The following TERT variants were observed in gnomAD, a reference collection of about 807,000 sequenced individuals.
The protein encoded by TERT is telomerase catalytic subunit.
A neutral mutation model predicts 104.0 loss-of-function variants in TERT; 42 were observed. The ratio of observed to expected loss-of-function variants is 0.40; its 90% CI spans 0.32 to 0.52. TERT has a LOEUF of 0.52. TERT is among the 20% of genes least tolerant of loss of function. The pLI, the probability that TERT is intolerant of heterozygous loss-of-function variation, is 0.43. For synonymous variants in TERT, 781 were observed against 725.6 expected (o/e 1.08, Z -1.23); for missense variants, 1,101 against 1,610.3 (o/e 0.68, Z 5.41).
chr5:1,260,394 A>G, intron 12 of TERT, 80 bp downstream of exon 12: 1 of 1,594,574 alleles, frequency 6.3e-7, no homozygotes. Flanking sequence ...CCTTGCAGGC[A>G]CGCGCGCACA....
In TERT at chr5:1,294,960, C is replaced by A. The variant is rs2126692906; in HGVS notation, c.30G>T (p.Val10=). 7.3e-7 allele frequency: 1 copy of A among 1,367,802 alleles called. No individual in the cohort carries two copies. The highest frequency in any genetic ancestry group is 1.8e-5 in the South Asian group (1 of 55,302). The allele number at this position is 1,367,802 out of a possible 1,614,324, so 84.7% of individuals were successfully genotyped here. A position where few individuals can be genotyped will look rare whatever the true frequency, so the allele number is the denominator to read the frequency against. Residue 10 remains valine, a synonymous_variant, in exon 1 of 16, where the codon GTG becomes GTT. Transcript: ENST00000310581. MPRAPRCRA[V]RSLLRSHYRE... ...GGTAGTGGCTGCGCAGCAGGGAGCG[C>A]ACGGCTCGGCAGCGGGGAGCGCGCG... is the stretch of plus-strand genomic sequence containing the variant.
rs1319828193 is a variant in TERT, at chr5:1,264,611, G to A, written c.2655-19C>T. The A allele has an allele frequency of 6.2e-7, 1 of 1,613,394 alleles. No individual in the cohort carries two copies. The highest frequency in any genetic ancestry group is 1.3e-5 in the African/African-American group (1 of 75,072). On this transcript the variant is annotated intron_variant, in intron 10 of 15. Coordinates refer to ENST00000310581, the MANE Select transcript of TERT (RefSeq NM_198253.3). ...CAGGGTCCTAAGGCAGAGGGGCAAT[G>A]TCAGCCCCAGGATGCGGGGCCGTCA...
chr5:1,277,605 T>TGGG (rs35577391), intron 6 of TERT, among the ~76,000 whole-genome samples: 4 of 122,542 alleles, frequency 3.3e-5, no homozygotes, highest in Non-Finnish European at 6.8e-5. Context: ...AGCGGGGATG[T>TGGG]GGGGGGGGGT....
In TERT at chr5:1,268,507, G is replaced by C; in HGVS notation, c.2582+13C>G. The C allele has an allele frequency of 6.2e-7, 1 of 1,608,318 alleles. No homozygotes were observed. Among genetic ancestry groups the C allele is most frequent in the Non-Finnish European group, 8.5e-7 (1 of 1,175,958 alleles). ...CCCCCACCCAAGCCCCCCTGGGGAA[G>C]AGGAGGCCTCACCCGTCCCGCCGAA... On this transcript the variant is annotated intron_variant, in intron 9 of 15. Transcript: ENST00000310581. The surrounding 1 kb of genome is among the most constrained non-coding windows in gnomAD (Gnocchi z 5.5).
In TERT at chr5:1,278,636, C is replaced by T. The variant is rs1060502997; in HGVS notation, c.2286+5G>A. 1 of 1,613,898 alleles carries T rather than the reference C, an allele frequency of 6.2e-7. No homozygotes were observed. Among genetic ancestry groups the T allele is most frequent in the Non-Finnish European group, 8.5e-7 (1 of 1,180,050 alleles). ...CTGGACACGACTATCACACGTGAACCTTACGTGGCTCTTGAAGGCCTTGCG... is the reference window on the plus strand; with the variant it reads ...CTGGACACGACTATCACACGTGAACTTTACGTGGCTCTTGAAGGCCTTGCG... On this transcript the variant is annotated splice_donor_5th_base_variant and intron_variant, in intron 6 of 15. Transcript: ENST00000310581.
chr5:1,278,869 TGGCCTGGC>T, intron 5 of TERT, 73 bp from the exon 6 acceptor site: 1 of 1,597,514 alleles, frequency 6.3e-7, no homozygotes, highest in Non-Finnish European at 8.6e-7. Flanking sequence ...CCTCAGGGCC[TGGCCTGGC>T]GGTGTCCCCC....
intron 2 of TERT, among the ~76,000 whole-genome samples, 177 bp downstream of exon 2, chr5:1,293,136 A>T (rs1751096323): frequency 6.6e-6 from 1 of 152,212 alleles, no homozygotes; most frequent in South Asian, 2.1e-4. Context: ...TGCAAACTGG[A>T]CAGGAGGGAG....
At chr5:1,293,284 T>G in intron 2 of TERT, 29 bp downstream of exon 2, 2 of 1,610,802 alleles carry the variant, frequency 1.2e-6, no homozygotes, top group Non-Finnish European at 1.7e-6. Context: ...CTCTGGGGCC[T>G]GGGCCCTCGA....
In TERT at chr5:1,271,210, A is replaced by T. The variant is rs1481236467; in HGVS notation, c.2383-6T>A. On this transcript the variant is annotated splice_polypyrimidine_tract_variant and splice_region_variant and intron_variant, in intron 7 of 15. Transcript: ENST00000310581. ...GCCTCATTCAGGGAGGAGCTCTGCGAAAGCAGACGGGAGACACATGGGAGT... is the reference window on the plus strand; with the variant it reads ...GCCTCATTCAGGGAGGAGCTCTGCGTAAGCAGACGGGAGACACATGGGAGT... 5 of 1,609,914 alleles carry T rather than the reference A, an allele frequency of 3.1e-6. No individual in the cohort carries two copies. Among genetic ancestry groups the T allele is most frequent in the Non-Finnish European group, 3.4e-6 (4 of 1,177,476 alleles).
At position 1,274,418 on chromosome 5, in the gene TERT, C is replaced by CT. The variant is rs1387047857; in HGVS notation, c.2287-2139dup. Among the ~76,000 whole-genome samples, 1 of 152,236 alleles carries CT rather than the reference C, an allele frequency of 6.6e-6. No homozygotes were observed. The highest frequency in any genetic ancestry group is 1.5e-5 in the Non-Finnish European group (1 of 68,040). On this transcript the variant is annotated intron_variant, in intron 6 of 15. Coordinates refer to ENST00000310581, the MANE Select transcript of TERT (RefSeq NM_198253.3). This position sits in a 1 kb window ranked among gnomAD's most constrained non-coding sequence, Gnocchi z 5.3. The stretch of plus-strand genomic sequence containing the variant: ...CTGACGAGAGGCTGCTGAAGCAGGT[C>CT]TTTAGCACAGGGTCCCCAACCATTG...
At position 1,286,683 on chromosome 5, in the gene TERT, G is replaced by T. The variant is rs1200344305; in HGVS notation, c.1574-4059C>A. 6.6e-6 allele frequency among the ~76,000 whole-genome samples: 1 copy of T among 152,132 alleles called. No individual in the cohort carries two copies. The highest frequency in any genetic ancestry group is 1.5e-5 in the Non-Finnish European group (1 of 68,020). ...ACTTGAGGTCAGGAGTTTGAGACCAGCCTGGCCAACATGGTGAAAGCCTAT... is the reference window on the plus strand; with the variant it reads ...ACTTGAGGTCAGGAGTTTGAGACCATCCTGGCCAACATGGTGAAAGCCTAT... On this transcript the variant is annotated intron_variant, in intron 2 of 15. Transcript: ENST00000310581. The surrounding 1 kb of genome is among the most constrained non-coding windows in gnomAD (Gnocchi z 5.3).
chr5:1,260,073 C>T (rs576071616), intron 12 of TERT, among the ~76,000 whole-genome samples: 1 of 152,184 alleles, frequency 6.6e-6, no homozygotes, highest in Non-Finnish European at 1.5e-5. Context: ...CCTGGGACCC[C>T]GTCTCATCCT....
rs928320386 is a variant in TERT, at chr5:1,257,988, C to T, written c.3032+610G>A. On this transcript the variant is annotated intron_variant, in intron 13 of 15. Coordinates refer to ENST00000310581, the MANE Select transcript of TERT (RefSeq NM_198253.3). This position sits in a 1 kb window ranked among gnomAD's most constrained non-coding sequence, Gnocchi z 5.6. Reference sequence around the variant, plus strand: ...CACCTGCCCTGACTCCAGGCAGAAGCTGGCCCTGTGGCCTCCACAGATTGG... The same window carrying T: ...CACCTGCCCTGACTCCAGGCAGAAGTTGGCCCTGTGGCCTCCACAGATTGG... Among the ~76,000 whole-genome samples the T allele has an allele frequency of 1.3e-5, 2 of 152,244 alleles. No homozygotes were observed. The highest frequency in any genetic ancestry group is 4.8e-5 in the African/African-American group (2 of 41,472).
chr5:1,258,706 A>T, intron 12 of TERT, 47 bp from the exon 13 acceptor site: 3 of 1,502,852 alleles, frequency 2.0e-6, no homozygotes, highest in Non-Finnish European at 2.7e-6. Flanking sequence ...CCTCTCTGGG[A>T]TTTTAAGTTT....
rs34795236 is a variant in TERT, at chr5:1,279,524, A to G, written c.1951-54T>C. Reference sequence around the variant, plus strand: ...GGAAAGTGGATCCGGCCAAGTGCCCACCCCACCATAGGGACCCAGGGGAGA... The same window carrying G: ...GGAAAGTGGATCCGGCCAAGTGCCCGCCCCACCATAGGGACCCAGGGGAGA... On this transcript the variant is annotated intron_variant, in intron 4 of 15. Coordinates refer to ENST00000310581, the MANE Select transcript of TERT (RefSeq NM_198253.3). 1,038 of 1,530,670 alleles carry G rather than the reference A, an allele frequency of 6.8e-4. 12 individuals are homozygous for G. In the African/African-American group the frequency reaches 0.013, roughly 19 times the overall value. The allele number at this position is 1,530,670 out of a possible 1,614,324, so 94.8% of individuals were successfully genotyped here. A position where few individuals can be genotyped will look rare whatever the true frequency, so the allele number is the denominator to read the frequency against.
chr5:1,255,255 T>C lies in TERT; in HGVS notation c.3157+32A>G. Reference sequence around the variant, plus strand: ...CACACTAACACCAGCAGGCAGGCACTGCTGCCACTGAGGCCAGGCACCTGC... The same window carrying C: ...CACACTAACACCAGCAGGCAGGCACCGCTGCCACTGAGGCCAGGCACCTGC... On this transcript the variant is annotated intron_variant, in intron 14 of 15. Coordinates refer to ENST00000310581, the MANE Select transcript of TERT (RefSeq NM_198253.3). This position sits in a 1 kb window ranked among gnomAD's most constrained non-coding sequence, Gnocchi z 6.9. 1.9e-6 allele frequency: 3 copies of C among 1,611,054 alleles called. No homozygotes were observed. Among genetic ancestry groups the C allele is most frequent in the Non-Finnish European group, 1.7e-6 (2 of 1,178,730 alleles).
Position 1,282,415 on chromosome 5 carries a change from T to G in TERT, c.1769+14A>C. 1 of 1,612,868 alleles carries G rather than the reference T, an allele frequency of 6.2e-7. No homozygotes were observed. The highest frequency in any genetic ancestry group is 8.5e-7 in the Non-Finnish European group (1 of 1,179,040). ...GACTTCGAGAAGCAGAGGCCTGGCG[T>G]GGGGATACAGTACCTGATTCCAATG... On this transcript the variant is annotated intron_variant, in intron 3 of 15. Transcript: ENST00000310581.
Position 1,287,755 on chromosome 5 carries a change from T to C in TERT, c.1574-5131A>G, listed in dbSNP as rs540455983. On this transcript the variant is annotated intron_variant, in intron 2 of 15. Transcript: ENST00000310581. The surrounding 1 kb of genome is among the most constrained non-coding windows in gnomAD (Gnocchi z 4.3). ...GAAATGAACAGACCCATCCCCCAGG[T>C]GAGGGACTATGGCCTCCTTCTTGGA... Among the ~76,000 whole-genome samples the C allele has an allele frequency of 6.3e-4, 95 of 151,962 alleles. No individual in the cohort carries two copies. Among genetic ancestry groups the C allele is most frequent in the African/African-American group, 2.0e-3 (83 of 41,438 alleles).
rs550758625 is a variant in TERT at position 1,265,965 on chromosome 5, C to T, written c.2654+499G>A. Among the ~76,000 whole-genome samples the T allele has an allele frequency of 8.5e-5, 13 of 152,322 alleles. No individual in the cohort carries two copies. The highest frequency in any genetic ancestry group is 3.4e-3 in the Middle Eastern group (1 of 294). On this transcript the variant is annotated intron_variant, in intron 10 of 15. Coordinates refer to ENST00000310581, the MANE Select transcript of TERT (RefSeq NM_198253.3). This position sits in a 1 kb window ranked among gnomAD's most constrained non-coding sequence, Gnocchi z 6.9. ...ATCTCCGTGGTTCAAGACAGCAGCA[C>T]TCAGCAAATCCAAATTCTCCCACCG...
Sources: gnomAD v4.1 joint callset for allele counts (sites outside exome capture counted in the v4.1 genomes callset) on GRCh38, gnomAD v4.1.1 for gene constraint, Gnocchi (gnomAD v3.1) non-coding constraint, MANE v1.5 for transcripts, NCBI Gene and HGNC (gene_info 2026-07-23, HGNC 2026-07-21) for gene names.